PDE1A: variants seen among roughly 807,000 people sequenced by gnomAD.
PDE1A encodes phosphodiesterase 1A.
PDE1A carries 35 observed loss-of-function variants against 61.7 expected under a neutral mutation model. That is an observed-to-expected ratio of 0.57 (90% CI 0.43 to 0.75). The LOEUF (loss-of-function observed/expected upper bound fraction) is 0.75. Among genes scored for constraint, PDE1A ranks in the 30% least tolerant of loss-of-function variants. The pLI is 0.00. For missense variants in PDE1A, 597 were observed against 630.6 expected (o/e 0.95, Z 0.57); for synonymous variants, 232 against 213.2 (o/e 1.09, Z -0.77).
chr2:182,492,409 G>T (rs1360463174), intron 2 of PDE1A, among the ~76,000 whole-genome samples: 1 of 152,150 alleles, frequency 6.6e-6, no homozygotes, highest in Non-Finnish European at 1.5e-5. Context: ...ATTTTGAACA[G>T]GTGAGTGAGT....
At chr2:182,652,570 G>C in the PDE1A span, among the ~76,000 whole-genome samples, 1 of 152,098 alleles carries the variant, frequency 6.6e-6, no homozygotes, top group African/African-American at 2.4e-5. Context: ...GGATAAAAAG[G>C]TATAGCTCAC....
At chr2:182,566,609 T>C in the PDE1A span, among the ~76,000 whole-genome samples, 2 of 152,018 alleles carry the variant, frequency 1.3e-5, no homozygotes, top group African/African-American at 4.8e-5. Flanking sequence ...GTTTCATGCA[T>C]GTAACTGGAA....
chr2:182,318,129 T>A (rs1198523011), intron 1 of PDE1A, among the ~76,000 whole-genome samples: 1 of 152,116 alleles, frequency 6.6e-6, no homozygotes, highest in Non-Finnish European at 1.5e-5. Flanking sequence ...AAAACCTTTC[T>A]CTACTTTCAC....
chr2:182,498,522 G>GA (rs201416825), intron 2 of PDE1A, among the ~76,000 whole-genome samples: 8 of 144,842 alleles, frequency 5.5e-5, no homozygotes, highest in East Asian at 4.0e-4. Context: ...ATCCCAGAAA[G>GA]AAAAAAAAAT....
the PDE1A span, among the ~76,000 whole-genome samples, chr2:182,550,937 A>G: frequency 2.0e-5 from 3 of 152,246 alleles, no homozygotes; most frequent in African/African-American, 7.2e-5. Context: ...GAAACAAAGC[A>G]CAAGGATATA....
intron 1 of PDE1A, among the ~76,000 whole-genome samples, chr2:182,335,330 C>A (rs1286400501): frequency 6.6e-6 from 1 of 152,078 alleles, no homozygotes; most frequent in African/African-American, 2.4e-5. Context: ...GCAAAAAGAA[C>A]AAAGCTGGAG....
chr2:182,521,925 C>A (rs1690592474), intron 2 of PDE1A, among the ~76,000 whole-genome samples: 1 of 152,110 alleles, frequency 6.6e-6, no homozygotes, highest in Non-Finnish European at 1.5e-5. Flanking sequence ...TCTCTCTCTG[C>A]TTACCTGAGG....
intron 1 of PDE1A, among the ~76,000 whole-genome samples, chr2:182,339,378 A>G (rs1337337226): frequency 3.9e-5 from 6 of 152,220 alleles, no homozygotes; most frequent in Non-Finnish European, 7.3e-5. Context: ...TGTAAACAAA[A>G]GTATGGCAAT....
At chr2:182,575,924 T>C in the PDE1A span, among the ~76,000 whole-genome samples, 94 of 147,032 alleles carry the variant, frequency 6.4e-4, no homozygotes, top group African/African-American at 2.3e-3. Context: ...ATCATATTAT[T>C]ATACTATATA....
chr2:182,343,075 T>C (rs1394736697), intron 1 of PDE1A, among the ~76,000 whole-genome samples: 1 of 152,218 alleles, frequency 6.6e-6, no homozygotes, highest in African/African-American at 2.4e-5. Flanking sequence ...AGTGGATACA[T>C]TGTCTTATAT....
At chr2:182,283,410 C>A (rs1436802284) in intron 1 of PDE1A, among the ~76,000 whole-genome samples, 1 of 149,960 alleles carries the variant, frequency 6.7e-6, no homozygotes, top group African/African-American at 2.4e-5. Context: ...GAGTTACACA[C>A]ACACACACAT....
chr2:182,562,558 T>C, the PDE1A span, among the ~76,000 whole-genome samples: 2 of 152,170 alleles, frequency 1.3e-5, no homozygotes, highest in Admixed American at 6.5e-5. Context: ...ATCAGGATGA[T>C]GCTGGCCTTA....
intron 1 of PDE1A, among the ~76,000 whole-genome samples, chr2:182,359,765 C>T (rs1186764845): frequency 6.6e-6 from 1 of 152,074 alleles, no homozygotes; most frequent in Admixed American, 6.6e-5. Context: ...GGCATTTTCC[C>T]ATGAGCTTCT....
chr2:182,701,914 T>TATTC, the PDE1A span, among the ~76,000 whole-genome samples: 1 of 152,202 alleles, frequency 6.6e-6, no homozygotes, highest in African/African-American at 2.4e-5. Context: ...GCCTTTAATG[T>TATTC]TAACACTCAT....
intron 1 of PDE1A, among the ~76,000 whole-genome samples, chr2:182,410,979 G>A (rs1377995932): frequency 6.6e-6 from 1 of 152,156 alleles, no homozygotes; most frequent in Non-Finnish European, 1.5e-5. Flanking sequence ...ATCTGCTACA[G>A]TTTTTTCCCT....
At chr2:182,482,214 A>T (rs952311819) in intron 2 of PDE1A, among the ~76,000 whole-genome samples, 5 of 151,978 alleles carry the variant, frequency 3.3e-5, no homozygotes, top group African/African-American at 7.2e-5. Flanking sequence ...GTAGAGATTT[A>T]AAAAACCTGA....
the PDE1A span, among the ~76,000 whole-genome samples, chr2:182,558,476 C>T: frequency 6.6e-6 from 1 of 152,128 alleles, no homozygotes; most frequent in Non-Finnish European, 1.5e-5. Flanking sequence ...CTTTTACAAT[C>T]ATTATTTTAC....
chr2:182,627,737 G>A, the PDE1A span, among the ~76,000 whole-genome samples: 19,398 of 151,562 alleles, frequency 0.13, 1,557 homozygotes, highest in African/African-American at 0.22. Context: ...GAAGTCAGGA[G>A]TTCGAGACCA....
At chr2:182,554,022 G>T in the PDE1A span, among the ~76,000 whole-genome samples, 1 of 152,294 alleles carries the variant, frequency 6.6e-6, no homozygotes, top group East Asian at 1.9e-4. Flanking sequence ...ACGGGATCAG[G>T]TTTGTATTTC....
Sources: allele counts gnomAD v4.1 joint callset (sites outside exome capture counted in the v4.1 genomes callset), GRCh38; gene constraint gnomAD v4.1.1; transcripts MANE v1.5; gene names NCBI Gene and HGNC (gene_info 2026-07-23, HGNC 2026-07-21).